SEMA6D: variants seen among roughly 807,000 people sequenced by gnomAD.
SEMA6D encodes the protein semaphorin-6D.
A neutral mutation model predicts 106.6 loss-of-function variants in SEMA6D; 35 were observed. The observed-to-expected ratio is 0.33, with a 90% confidence interval of 0.25 to 0.44. The LOEUF (loss-of-function observed/expected upper bound fraction) is 0.44, where lower values mean the gene tolerates loss of function less well. Ranked by LOEUF, SEMA6D falls within the 20% of genes least tolerant of loss-of-function variation. The pLI is 1.00. For missense variants in SEMA6D, 1,185 were observed against 1,345.9 expected, an observed-to-expected ratio of 0.88 and a Z score of 1.87; for synonymous variants, 499 against 487.7, an observed-to-expected ratio of 1.02 and a Z score of -0.31.
chr15:47,217,746 A>G (rs906109271), intron 1 of SEMA6D, among the ~76,000 whole-genome samples: 2 of 151,690 alleles, frequency 1.3e-5, no homozygotes, highest in African/African-American at 4.8e-5. Flanking sequence ...TCACTTAATT[A>G]AAGTTAAATA....
intron 1 of SEMA6D, among the ~76,000 whole-genome samples, chr15:47,354,363 G>A (rs1211539225): frequency 6.9e-6 from 1 of 144,786 alleles, no homozygotes; most frequent in Non-Finnish European, 1.5e-5. Flanking sequence ...TATATGGAAT[G>A]TGAAAGCTTA....
intron 3 of SEMA6D, among the ~76,000 whole-genome samples, chr15:47,502,381 C>G (rs951837686): frequency 6.6e-6 from 1 of 152,144 alleles, no homozygotes; most frequent in Non-Finnish European, 1.5e-5. Flanking sequence ...AGAAAGTGGG[C>G]TCCTCTGGGA....
chr15:47,492,775 C>T (rs1056666969), intron 3 of SEMA6D, among the ~76,000 whole-genome samples: 19 of 152,124 alleles, frequency 1.2e-4, no homozygotes, highest in Admixed American at 1.0e-3. Context: ...AACCGCTGCC[C>T]CTTAAATGGA....
At chr15:47,571,458 A>C (rs1209548164) in intron 3 of SEMA6D, among the ~76,000 whole-genome samples, 1 of 152,230 alleles carries the variant, frequency 6.6e-6, no homozygotes, top group East Asian at 1.9e-4. Flanking sequence ...ATTAAGTCAA[A>C]GGGTAAGTCT....
intron 17 of SEMA6D, chr15:47,767,334 A>G (rs2147888546): frequency 2.8e-6 from 1 of 354,778 alleles, no homozygotes; most frequent in Non-Finnish European, 5.1e-6. Context: ...ATGGGCTAAC[A>G]TAGACTGCAT....
At position 47,192,551 on chromosome 15, in the gene SEMA6D, A is replaced by T. The variant is rs139492590; in HGVS notation, c.-239+8133A>T. Among the ~76,000 whole-genome samples, 10 of 152,338 alleles carry T rather than the reference A, an allele frequency of 6.6e-5. No individual in the cohort carries two copies. In the East Asian group the frequency reaches 1.9e-3, roughly 29 times the overall value. On this transcript the variant is annotated intron_variant, in intron 1 of 19. Coordinates refer to the SEMA6D transcript ENST00000558014. ...CAATACATCTGCCCAAAGATGGGAA[A>T]AAAGCATGTTTATCATCATTAAAAA... is the stretch of plus-strand genomic sequence containing the variant.
intron 1 of SEMA6D, among the ~76,000 whole-genome samples, chr15:47,727,110 A>G (rs997262802): frequency 1.3e-5 from 2 of 152,198 alleles, no homozygotes; most frequent in African/African-American, 4.8e-5. Context: ...CTAAACATGG[A>G]TAATTAGCAC....
chr15:47,725,834 G>A (rs1408910673), intron 1 of SEMA6D, among the ~76,000 whole-genome samples: 3 of 108,856 alleles, frequency 2.8e-5, no homozygotes, highest in Non-Finnish European at 4.8e-5. Flanking sequence ...AATTGCTCCA[G>A]GGGTTCAATT....
At position 47,733,562 on chromosome 15, in the gene SEMA6D, A is replaced by G. The variant is rs147777577; in HGVS notation, c.-55+15870A>G. On this transcript the variant is annotated intron_variant, in intron 1 of 18. Transcript: ENST00000536845. ...TAACCCTTGCTTCGCTACTCTCTCTATATTCAGCCTGCAATTTTCCTTCCC... is the reference window on the plus strand; with the variant it reads ...TAACCCTTGCTTCGCTACTCTCTCTGTATTCAGCCTGCAATTTTCCTTCCC... Among the ~76,000 whole-genome samples, 897 of 152,232 alleles carry G rather than the reference A, an allele frequency of 5.9e-3. 5 individuals are homozygous for G. The highest frequency in any genetic ancestry group is 0.02 in the Admixed American group (311 of 15,296).
At chr15:47,468,953 G>A (rs2141137945) in intron 2 of SEMA6D, among the ~76,000 whole-genome samples, 1 of 152,170 alleles carries the variant, frequency 6.6e-6, no homozygotes, top group Non-Finnish European at 1.5e-5. Context: ...AGAAAGTCCT[G>A]GATTTTCCTT....
chr15:47,458,182 A>G (rs1488557025), intron 2 of SEMA6D, among the ~76,000 whole-genome samples: 1 of 152,018 alleles, frequency 6.6e-6, no homozygotes, highest in African/African-American at 2.4e-5. Context: ...ACTCTTAAAA[A>G]TCTCTTTAAA....
chr15:47,528,907 G>C (rs1228776689), intron 3 of SEMA6D, among the ~76,000 whole-genome samples: 1 of 152,136 alleles, frequency 6.6e-6, no homozygotes, highest in Admixed American at 6.5e-5. Flanking sequence ...ACTATTGTCT[G>C]AAGTCTTATC....
intron 1 of SEMA6D, among the ~76,000 whole-genome samples, chr15:47,379,643 A>G (rs1382389139): frequency 6.6e-6 from 1 of 152,252 alleles, no homozygotes; most frequent in Non-Finnish European, 1.5e-5. Flanking sequence ...TTTAAATAGG[A>G]TTTTGAAAAA....
chr15:47,266,246 T>C (rs1395008138), intron 1 of SEMA6D, among the ~76,000 whole-genome samples: 3 of 152,062 alleles, frequency 2.0e-5, no homozygotes, highest in East Asian at 1.9e-4. Context: ...ACTTTTTTTT[T>C]CCAGAGCCCC....
At chr15:47,431,017 A>G (rs546527683) in intron 2 of SEMA6D, among the ~76,000 whole-genome samples, 2 of 152,164 alleles carry the variant, frequency 1.3e-5, no homozygotes, top group Admixed American at 6.5e-5. Context: ...ATAGCTATCA[A>G]TAAAACTCAC....
intron 3 of SEMA6D, among the ~76,000 whole-genome samples, chr15:47,484,100 C>T (rs1362417831): frequency 6.6e-6 from 1 of 152,178 alleles, no homozygotes; most frequent in Non-Finnish European, 1.5e-5. Context: ...GGCCCTGCAA[C>T]TCTTCCCACA....
intron 3 of SEMA6D, among the ~76,000 whole-genome samples, chr15:47,574,592 A>G (rs974915178): frequency 1.3e-5 from 2 of 152,214 alleles, no homozygotes; most frequent in Admixed American, 6.5e-5. Flanking sequence ...CCCATTCATG[A>G]CAAAACAAGG....
intron 2 of SEMA6D, among the ~76,000 whole-genome samples, chr15:47,413,778 C>G (rs1040408431): frequency 5.3e-5 from 8 of 152,144 alleles, no homozygotes; most frequent in Non-Finnish European, 1.0e-4. Flanking sequence ...CCACTGCATT[C>G]GGCCACTAAT....
At chr15:47,685,769 G>A (rs1198242980) in intron 4 of SEMA6D, among the ~76,000 whole-genome samples, 1 of 152,130 alleles carries the variant, frequency 6.6e-6, no homozygotes, top group Non-Finnish European at 1.5e-5. Flanking sequence ...GGTATCTAGA[G>A]CTAACCATAT....
Sources: allele counts gnomAD v4.1 joint callset (sites outside exome capture counted in the v4.1 genomes callset), GRCh38; gene constraint gnomAD v4.1.1; transcripts MANE v1.5; gene names NCBI Gene and HGNC (gene_info 2026-07-23, HGNC 2026-07-21).